GPC5: variants seen among roughly 807,000 people sequenced by gnomAD.
The protein encoded by GPC5 is glypican 5, also known as glypican-5.
In GPC5, 47 loss-of-function variants were observed where a neutral mutation model predicts 53.9. The observed-to-expected ratio is 0.87, with a 90% confidence interval of 0.69 to 1.11. The LOEUF (loss-of-function observed/expected upper bound fraction) is 1.11. Among genes scored for constraint, GPC5 ranks in the 50% most tolerant of loss-of-function variants. The probability of loss-of-function intolerance (pLI) is 0.00; values close to 1 mark genes in which losing one functional copy is unlikely to be tolerated. For synonymous variants in GPC5, 286 were observed against 263.3 expected (o/e 1.09, Z -0.84); for missense variants, 748 against 713.1 (o/e 1.05, Z -0.56).
chr13:92,600,188 C>CT (rs1884001685), intron 7 of GPC5, among the ~76,000 whole-genome samples: 1 of 152,044 alleles, frequency 6.6e-6, no homozygotes, highest in Non-Finnish European at 1.5e-5. Flanking sequence ...GGTGGATTTG[C>CT]TTTTTTTCTC....
intron 6 of GPC5, among the ~76,000 whole-genome samples, chr13:91,951,659 C>G (rs978114298): frequency 2.6e-5 from 4 of 152,074 alleles, no homozygotes; most frequent in Non-Finnish European, 5.9e-5. Flanking sequence ...CACATTTTTA[C>G]AAATGTTAGG....
At chr13:91,555,953 A>C (rs1254805096) in intron 2 of GPC5, among the ~76,000 whole-genome samples, 1 of 152,000 alleles carries the variant, frequency 6.6e-6, no homozygotes, top group Non-Finnish European at 1.5e-5. Flanking sequence ...GCTACAATTC[A>C]AGATGAGATT....
chr13:92,747,100 A>G (rs1351482173), intron 7 of GPC5, among the ~76,000 whole-genome samples: 2 of 152,160 alleles, frequency 1.3e-5, no homozygotes, highest in Non-Finnish European at 2.9e-5. Context: ...CCACTATCAT[A>G]TATGTGGCCC....
intron 7 of GPC5, among the ~76,000 whole-genome samples, chr13:92,440,018 C>A (rs954535336): frequency 6.6e-6 from 1 of 152,168 alleles, no homozygotes; most frequent in Non-Finnish European, 1.5e-5. Flanking sequence ...GGATAGGGAG[C>A]TCTGTATAGC....
intron 7 of GPC5, among the ~76,000 whole-genome samples, chr13:92,801,926 A>T (rs1876921561): frequency 6.6e-6 from 1 of 151,876 alleles, no homozygotes; most frequent in African/African-American, 2.4e-5. Flanking sequence ...TATAAAGTTA[A>T]AAAGTTAGAG....
chr13:91,732,298 T>G (rs908867791), intron 4 of GPC5, among the ~76,000 whole-genome samples: 1 of 152,228 alleles, frequency 6.6e-6, no homozygotes, highest in African/African-American at 2.4e-5. Flanking sequence ...TGTTGAGGTT[T>G]TTTTCATATG....
intron 7 of GPC5, among the ~76,000 whole-genome samples, chr13:92,323,012 TCTTA>T (rs2043226080): frequency 1.3e-5 from 2 of 151,894 alleles, no homozygotes; most frequent in African/African-American, 4.8e-5. Context: ...AGAAATTCAA[TCTTA>T]CTATCAATCT....
chr13:92,743,800 GTTGAATTTT>G (rs1889171391), intron 7 of GPC5, among the ~76,000 whole-genome samples: 1 of 152,136 alleles, frequency 6.6e-6, no homozygotes, highest in African/African-American at 2.4e-5. Context: ...CATGAAGGCT[GTTGAATTTT>G]GTCAAAGGCC....
chr13:91,964,978 C>G (rs1377742094), intron 6 of GPC5, among the ~76,000 whole-genome samples: 1 of 150,364 alleles, frequency 6.7e-6, no homozygotes, highest in Non-Finnish European at 1.5e-5. Context: ...CCAACTATTG[C>G]AAAGACAGAA....
intron 7 of GPC5, among the ~76,000 whole-genome samples, chr13:92,298,234 C>T (rs1389540610): frequency 1.3e-5 from 2 of 152,144 alleles, no homozygotes; most frequent in African/African-American, 4.8e-5. Flanking sequence ...GAGAACTTGT[C>T]CTAGGCTCCC....
chr13:92,645,725 T>G (rs1460692810), intron 7 of GPC5, among the ~76,000 whole-genome samples: 1 of 152,140 alleles, frequency 6.6e-6, no homozygotes, highest in African/African-American at 2.4e-5. Context: ...ATATTAAATG[T>G]TGCAATAAAT....
chr13:92,749,559 C>T (rs894341620), intron 7 of GPC5, among the ~76,000 whole-genome samples: 20 of 152,056 alleles, frequency 1.3e-4, no homozygotes, highest in African/African-American at 4.3e-4. Flanking sequence ...ATTATTAAGA[C>T]GATGGAGGTG....
intron 6 of GPC5, among the ~76,000 whole-genome samples, chr13:91,956,216 C>T (rs969350187): frequency 1.3e-5 from 2 of 152,000 alleles, no homozygotes; most frequent in African/African-American, 4.8e-5. Context: ...GGATCTTGCC[C>T]AGCCTTGTGC....
chr13:92,088,883 A>G (rs1211054508), intron 6 of GPC5, among the ~76,000 whole-genome samples: 1 of 152,222 alleles, frequency 6.6e-6, no homozygotes, highest in African/African-American at 2.4e-5. Flanking sequence ...TAAAACAAGA[A>G]CAATGTGATA....
At chr13:92,678,937 A>C (rs1039474685) in intron 7 of GPC5, among the ~76,000 whole-genome samples, 5 of 152,138 alleles carry the variant, frequency 3.3e-5, no homozygotes, top group African/African-American at 1.2e-4. Flanking sequence ...TTGACATGGG[A>C]TGTGAGTCAA....
At chr13:91,841,429 C>G (rs937770886) in intron 5 of GPC5, among the ~76,000 whole-genome samples, 11 of 150,482 alleles carry the variant, frequency 7.3e-5, no homozygotes, top group African/African-American at 2.7e-4. Flanking sequence ...AAAATTGAAT[C>G]GTTACGTTTA....
chr13:92,861,709 TTG>T (rs958466522), intron 7 of GPC5, among the ~76,000 whole-genome samples: 2 of 152,148 alleles, frequency 1.3e-5, no homozygotes, highest in Non-Finnish European at 2.9e-5. Context: ...GGTTCTTTTC[TTG>T]TGTGATATCA....
chr13:92,298,903 C>T (rs71427552), intron 7 of GPC5, among the ~76,000 whole-genome samples: 1,617 of 152,202 alleles, frequency 0.011, 26 homozygotes, highest in Middle Eastern at 0.048. Flanking sequence ...TCCATAAATG[C>T]AAATCATAAT....
intron 7 of GPC5, among the ~76,000 whole-genome samples, chr13:92,323,431 A>C (rs1236150679): frequency 6.6e-6 from 1 of 151,322 alleles, no homozygotes; most frequent in Non-Finnish European, 1.5e-5. Context: ...TGGGGAAAAA[A>C]TACCTATTAA....
Sources: gnomAD v4.1 joint callset for allele counts (sites outside exome capture counted in the v4.1 genomes callset) on GRCh38, gnomAD v4.1.1 for gene constraint, MANE v1.5 for transcripts, NCBI Gene and HGNC (gene_info 2026-07-23, HGNC 2026-07-21) for gene names.